The following CHRNA3 variants were observed in gnomAD, a reference collection of about 807,000 sequenced individuals.
The protein encoded by CHRNA3 is cholinergic receptor nicotinic alpha 3 subunit.
A neutral mutation model predicts 41.9 loss-of-function variants in CHRNA3; 34 were observed. The ratio of observed to expected loss-of-function variants is 0.81; its 90% CI spans 0.62 to 1.08. The LOEUF is 1.08. Among genes scored for constraint, CHRNA3 ranks in the 50% least tolerant of loss-of-function variants. The pLI is 0.00. For synonymous variants in CHRNA3, 281 were observed against 265.2 expected (o/e 1.06, Z -0.58); for missense variants, 542 against 638.3 (o/e 0.85, Z 1.63).
intron 3 of CHRNA3, 179 bp downstream of exon 3, chr15:78,618,438 C>CT (rs1465325541): frequency 1.5e-6 from 1 of 662,374 alleles, no homozygotes. Context: ...TCCAGGGGGA[C>CT]TGTAGGGCAG....
At chr15:78,611,701 G>T (rs2053382335) in intron 4 of CHRNA3, among the ~76,000 whole-genome samples, 2 of 151,670 alleles carry the variant, frequency 1.3e-5, no homozygotes, top group Non-Finnish European at 2.9e-5. Flanking sequence ...ATTCAACATA[G>T]TGTTGGAAGT....
chr15:78,593,671 T>TTA (rs1358967317), downstream of CHRNA3: 2 of 153,638 alleles, frequency 1.3e-5, no homozygotes, highest in Admixed American at 6.5e-5. Flanking sequence ...AGCTAATCTT[T>TTA]AATATAATAT....
In CHRNA3 at chr15:78,618,461, C is replaced by G. The variant is rs553068568; in HGVS notation, c.267+156G>C. ...GACTGTAGGGCAGTGCATGTGACCT[C>G]AAGCCTTAGAAGAGATATATCTGCC... is the stretch of plus-strand genomic sequence containing the variant. On this transcript the variant is annotated intron_variant, in intron 3 of 5. Transcript: ENST00000326828. The G allele has an allele frequency of 1.2e-5, 10 of 800,786 alleles. No homozygotes were observed. In the African/African-American group the frequency reaches 1.5e-4, roughly 12 times the overall value. 49.6% of individuals were successfully genotyped at this position (800,786 alleles called of 1,614,324 possible). A position where few individuals can be genotyped will look rare whatever the true frequency, so the allele number is the denominator to read the frequency against.
chr15:78,617,151 G>A lies in CHRNA3; in HGVS notation c.268-18C>T, dbSNP rs1282945104. On this transcript the variant is annotated intron_variant, in intron 3 of 5. Transcript: ENST00000326828. ...TTCCAGATCTCGGGGAAGGAAGCAG[G>A]GAGGGAGAAGGAGACGGTAAAAGAA... 2.0e-6 allele frequency: 3 copies of A among 1,510,200 alleles called. No individual in the cohort carries two copies. The highest frequency in any genetic ancestry group is 2.8e-6 in the Non-Finnish European group (3 of 1,087,640). The allele number at this position is 1,510,200 out of a possible 1,614,324, so 93.5% of individuals were successfully genotyped here. A position where few individuals can be genotyped will look rare whatever the true frequency, so the allele number is the denominator to read the frequency against.
Position 78,596,174 on chromosome 15 carries a change from A to G in CHRNA3, c.*430T>C. ...GGTAAGAAATGGGTAACGATGGGGG[A>G]TTGCTGAATTAGTATAAACCTTCAA... On this transcript the variant is annotated 3_prime_UTR_variant, in exon 6 of 6. Transcript: ENST00000326828. The G allele has an allele frequency of 1.0e-6, 1 of 985,386 alleles. No homozygotes were observed. The highest frequency in any genetic ancestry group is 1.2e-6 in the Non-Finnish European group (1 of 830,212). The allele number at this position is 985,386 out of a possible 1,614,324, so 61.0% of individuals were successfully genotyped here.
rs185813839 is a variant in CHRNA3, at chr15:78,597,152, C to T, written c.1390-420G>A. On this transcript the variant is annotated intron_variant, in intron 5 of 5. Coordinates refer to ENST00000326828, the MANE Select transcript of CHRNA3 (RefSeq NM_000743.5). ...TATCCAGTTTTAGATATAAATTTGG[C>T]GCAGTGGCTCACGCCTGTAATCCCA... Among the ~76,000 whole-genome samples the T allele has an allele frequency of 2.6e-5, 4 of 152,304 alleles. No individual in the cohort carries two copies. The East Asian group carries it at 5.8e-4, about 22-fold the overall frequency.
rs868733702 is a variant in CHRNA3 at position 78,612,241 on chromosome 15, C to A, written c.377+4783G>T. Among the ~76,000 whole-genome samples the A allele has an allele frequency of 6.5e-3, 977 of 151,132 alleles. 13 individuals carry two copies. Among genetic ancestry groups the A allele is most frequent in the African/African-American group, 0.021 (862 of 40,856 alleles). ...CTTTAAAGTTCATATGGAACCAAAACAGAGCCCGCATCGCCAAGTCAATCC... is the reference window on the plus strand; with the variant it reads ...CTTTAAAGTTCATATGGAACCAAAAAAGAGCCCGCATCGCCAAGTCAATCC... On this transcript the variant is annotated intron_variant, in intron 4 of 5. Coordinates refer to ENST00000326828, the MANE Select transcript of CHRNA3 (RefSeq NM_000743.5).
chr15:78,613,259 A>T (rs376360393), intron 4 of CHRNA3, among the ~76,000 whole-genome samples: 496 of 152,318 alleles, frequency 3.3e-3, no homozygotes, highest in Middle Eastern at 0.01. Context: ...TGTTATAAAG[A>T]CACATGCACA....
intron 4 of CHRNA3, among the ~76,000 whole-genome samples, chr15:78,613,924 C>T (rs951411559): frequency 2.0e-5 from 3 of 150,108 alleles, no homozygotes; most frequent in Non-Finnish European, 3.0e-5. Context: ...CCAGCCTGGG[C>T]GACAGAGTGA....
chr15:78,616,653 C>T (rs1399416130), intron 4 of CHRNA3, among the ~76,000 whole-genome samples: 1 of 152,132 alleles, frequency 6.6e-6, no homozygotes, highest in South Asian at 2.1e-4. Context: ...CCAATGAGGT[C>T]ACCTTGGCTG....
rs574330973 is a variant in CHRNA3, at chr15:78,597,977, T to C, written c.1390-1245A>G. On this transcript the variant is annotated intron_variant, in intron 5 of 5. Transcript: ENST00000326828. Reference sequence around the variant, plus strand: ...TGATGCCATATTTGCCATGAGGTACTTCATTTGAATTCCTAAGACTGGTTT... The same window carrying C: ...TGATGCCATATTTGCCATGAGGTACCTCATTTGAATTCCTAAGACTGGTTT... Among the ~76,000 whole-genome samples, 281 of 152,312 alleles carry C rather than the reference T, an allele frequency of 1.8e-3. 1 individual carries two copies. Among genetic ancestry groups the C allele is most frequent in the Non-Finnish European group, 3.1e-3 (213 of 68,022 alleles).
At position 78,602,171 on chromosome 15, in the gene CHRNA3, G is replaced by C. The variant is rs143083384; in HGVS notation, c.471C>G (p.Ser157Arg). 6.2e-7 allele frequency: 1 copy of C among 1,614,126 alleles called. No homozygotes were observed. ...VTWIPPAIFK[S>R]SCKIDVTYFP... ...AGTAGGTCACGTCGATTTTACAGGA[G>C]CTCTTAAAGATGGCCGGAGGTATCC... The change falls in exon 5 of 6, where the codon AGC (serine) becomes AGG (arginine). Residue 157 changes from serine to arginine, a missense_variant. Ser to Arg is a moderately radical substitution (Grantham distance 110, BLOSUM62 -1). Transcript: ENST00000326828.
chr15:78,607,305 A>T (rs1267802050), intron 4 of CHRNA3: 1 of 152,216 alleles, frequency 6.6e-6, no homozygotes, highest in African/African-American at 2.4e-5. Context: ...GTATTCTCTA[A>T]AAAGGTTACA....
At chr15:78,612,261 C>T (rs939595292) in intron 4 of CHRNA3, among the ~76,000 whole-genome samples, 33 of 150,704 alleles carry the variant, frequency 2.2e-4, no homozygotes, top group African/African-American at 7.9e-4. Context: ...ATCGCCAAGT[C>T]AATCCTAAGC....
At chr15:78,614,786 C>T (rs2053437347) in intron 4 of CHRNA3, among the ~76,000 whole-genome samples, 1 of 151,950 alleles carries the variant, frequency 6.6e-6, no homozygotes, top group Non-Finnish European at 1.5e-5. Context: ...TCTTCAATAC[C>T]CAGAGAACTA....
In CHRNA3 at chr15:78,596,061, A is replaced by G. The variant is rs760490495; in HGVS notation, c.*543T>C. 2 of 984,070 alleles carry G rather than the reference A, an allele frequency of 2.0e-6. No individual in the cohort carries two copies. Among genetic ancestry groups the G allele is most frequent in the Non-Finnish European group, 2.4e-6 (2 of 828,714 alleles). 61.0% of individuals were successfully genotyped at this position (984,070 alleles called of 1,614,324 possible). On this transcript the variant is annotated 3_prime_UTR_variant, in exon 6 of 6. Transcript: ENST00000326828. ...ATAACTAGGCATGATTTCTCATGGTATAATTTAGAAGTATGCAAGAGAAGT... is the reference window on the plus strand; with the variant it reads ...ATAACTAGGCATGATTTCTCATGGTGTAATTTAGAAGTATGCAAGAGAAGT...
rs985312505 is a variant in CHRNA3, at chr15:78,596,487, T to C, written c.*117A>G. The C allele has an allele frequency of 1.5e-6, 2 of 1,327,564 alleles. No individual in the cohort carries two copies. The highest frequency in any genetic ancestry group is 1.5e-5 in the African/African-American group (1 of 67,162). The allele number at this position is 1,327,564 out of a possible 1,614,324, so 82.2% of individuals were successfully genotyped here. On this transcript the variant is annotated 3_prime_UTR_variant, in exon 6 of 6. Transcript: ENST00000326828. Reference sequence around the variant, plus strand: ...AAGATAAGTGGAAAATAAGTAAACCTCGAAATGCCAAAAACAAAGCTGGTA... The same window carrying C: ...AAGATAAGTGGAAAATAAGTAAACCCCGAAATGCCAAAAACAAAGCTGGTA...
In CHRNA3 at chr15:78,616,367, C is replaced by CGCCA. The variant is rs1555419344; in HGVS notation, c.377+656_377+657insTGGC. ...CTCAGTCTTCCCCCCCCCACCCCCC[C>CGCCA]AAAAAAAAAGCTCCTTGGTAACCAT... is the stretch of plus-strand genomic sequence containing the variant. On this transcript the variant is annotated intron_variant, in intron 4 of 5. Transcript: ENST00000326828. Among the ~76,000 whole-genome samples the CGCCA allele has an allele frequency of 4.8e-3, 641 of 134,936 alleles. 34 individuals are homozygous for CGCCA. The East Asian group carries it at 0.17, about 36-fold the overall frequency. The allele number at this position is 134,936 out of a possible 152,430, so 88.5% of individuals were successfully genotyped here. A position where few individuals can be genotyped will look rare whatever the true frequency, so the allele number is the denominator to read the frequency against.
chr15:78,603,425 G>T (rs2053236441), intron 4 of CHRNA3, among the ~76,000 whole-genome samples: 1 of 152,226 alleles, frequency 6.6e-6, no homozygotes, highest in South Asian at 2.1e-4. Flanking sequence ...GGCCAGATGA[G>T]GCCATCTGAG....
Sources: gnomAD v4.1 joint callset for allele counts (sites outside exome capture counted in the v4.1 genomes callset) on GRCh38, gnomAD v4.1.1 for gene constraint, MANE v1.5 for transcripts, NCBI Gene and HGNC (gene_info 2026-07-23, HGNC 2026-07-21) for gene names.